The following SEZ6L variants were observed in gnomAD, a reference collection of about 807,000 sequenced individuals.
SEZ6L encodes seizure 6-like protein.
In SEZ6L, 37 loss-of-function variants were observed where a neutral mutation model predicts 106.2. The ratio of observed to expected loss-of-function variants is 0.35; its 90% confidence interval spans 0.27 to 0.46. SEZ6L has a LOEUF of 0.46. Ranked by LOEUF, SEZ6L falls within the 20% of genes least tolerant of loss-of-function variation. The pLI is 1.00. For missense variants in SEZ6L, 1,172 were observed against 1,332.8 expected, an observed-to-expected ratio of 0.88 and a Z score of 1.88; for synonymous variants, 541 against 570.4, an observed-to-expected ratio of 0.95 and a Z score of 0.73.
chr22:26,212,931 G>T lies in SEZ6L; in HGVS notation c.94+43168G>T, dbSNP rs149945678. On this transcript the variant is annotated intron_variant, in intron 1 of 16. Coordinates refer to ENST00000248933, the MANE Select transcript of SEZ6L (RefSeq NM_021115.5). ...GGGTCAGAACTCCCGTGCTTGGGAT[G>T]GGGGTTGGCAAAAATAAAGTAGAAT... Among the ~76,000 whole-genome samples, 5 of 152,300 alleles carry T rather than the reference G, an allele frequency of 3.3e-5. No homozygotes were observed. The East Asian group carries it at 9.6e-4, about 29-fold the overall frequency.
At chr22:26,313,065 T>C (rs1203458774) in intron 8 of SEZ6L, among the ~76,000 whole-genome samples, 1 of 152,260 alleles carries the variant, frequency 6.6e-6, no homozygotes, top group Non-Finnish European at 1.5e-5. Flanking sequence ...TTATTGGTGC[T>C]TTGGCCTCTG....
At chr22:26,235,090 C>T (rs1244606068) in intron 1 of SEZ6L, among the ~76,000 whole-genome samples, 1 of 152,134 alleles carries the variant, frequency 6.6e-6, no homozygotes, top group Non-Finnish European at 1.5e-5. Flanking sequence ...CTCTTCCATC[C>T]CCTACAGTAG....
chr22:26,298,241 A>G (rs1601422625), intron 4 of SEZ6L, among the ~76,000 whole-genome samples: 1 of 152,204 alleles, frequency 6.6e-6, no homozygotes, highest in African/African-American at 2.4e-5. Context: ...CCTCCTCATC[A>G]GTACTGAGAA....
chr22:26,294,753 C>T (rs1019327696), intron 3 of SEZ6L, among the ~76,000 whole-genome samples: 1 of 143,134 alleles, frequency 7.0e-6, no homozygotes, highest in Admixed American at 6.9e-5. Context: ...CACACACACA[C>T]ACACGGAAGC....
chr22:26,204,170 A>T (rs1427623011), intron 1 of SEZ6L, among the ~76,000 whole-genome samples: 1 of 152,220 alleles, frequency 6.6e-6, no homozygotes, highest in East Asian at 1.9e-4. Flanking sequence ...TTCAATACAT[A>T]GTTCTTGAGT....
chr22:26,350,830 G>C (rs1194445159), intron 11 of SEZ6L, among the ~76,000 whole-genome samples: 1 of 151,882 alleles, frequency 6.6e-6, no homozygotes, highest in Non-Finnish European at 1.5e-5. Flanking sequence ...CTAATTTTTT[G>C]TGTTTTTAGT....
chr22:26,175,511 G>A (rs1157408155), intron 1 of SEZ6L, among the ~76,000 whole-genome samples: 4 of 152,104 alleles, frequency 2.6e-5, no homozygotes, highest in Non-Finnish European at 4.4e-5. Flanking sequence ...TGTGCAGATA[G>A]TCTGGATGGG....
chr22:26,310,977 C>T, intron 7 of SEZ6L, 141 bp downstream of exon 7: 2 of 794,726 alleles, frequency 2.5e-6, no homozygotes, highest in East Asian at 2.5e-5. Context: ...TTTCCAAAGA[C>T]AGGCTCTTGG....
chr22:26,172,930 C>T (rs1392128398), intron 1 of SEZ6L, among the ~76,000 whole-genome samples: 1 of 152,198 alleles, frequency 6.6e-6, no homozygotes, highest in Non-Finnish European at 1.5e-5. Flanking sequence ...TGTGGAAAGG[C>T]TGTTCTGGGG....
chr22:26,365,688 C>T, intron 13 of SEZ6L, 122 bp downstream of exon 13: 2 of 788,060 alleles, frequency 2.5e-6, no homozygotes, highest in South Asian at 2.2e-5. Flanking sequence ...GCCGAGGCAA[C>T]ATAGTGAGAC....
intron 1 of SEZ6L, among the ~76,000 whole-genome samples, chr22:26,210,669 T>C (rs2078131516): frequency 6.6e-6 from 1 of 151,184 alleles, no homozygotes; most frequent in South Asian, 2.1e-4. Context: ...TCATCTCCAT[T>C]CTCAGAATGG....
chr22:26,227,611 T>C (rs569759157), intron 1 of SEZ6L, among the ~76,000 whole-genome samples: 1 of 143,222 alleles, frequency 7.0e-6, no homozygotes, highest in South Asian at 2.2e-4. Context: ...TAGAGACTGG[T>C]TCTTGCTATG....
intron 1 of SEZ6L, among the ~76,000 whole-genome samples, chr22:26,209,404 A>G (rs1371608182): frequency 6.6e-6 from 1 of 152,154 alleles, no homozygotes; most frequent in Non-Finnish European, 1.5e-5. Context: ...TCAGTTGGCA[A>G]TTGATTTAGT....
At chr22:26,175,153 G>A (rs1452097166) in intron 1 of SEZ6L, among the ~76,000 whole-genome samples, 1 of 152,174 alleles carries the variant, frequency 6.6e-6, no homozygotes, top group Non-Finnish European at 1.5e-5. Flanking sequence ...TTTGCCAGAT[G>A]CGCATGGGAT....
chr22:26,194,342 G>A (rs1316399002), intron 1 of SEZ6L, among the ~76,000 whole-genome samples: 5 of 152,190 alleles, frequency 3.3e-5, no homozygotes, highest in Non-Finnish European at 7.3e-5. Flanking sequence ...GCAAATGGAA[G>A]ACAATGGTAT....
intron 1 of SEZ6L, among the ~76,000 whole-genome samples, chr22:26,180,467 A>G (rs908977444): frequency 6.6e-6 from 1 of 152,248 alleles, no homozygotes; most frequent in African/African-American, 2.4e-5. Flanking sequence ...GAGTGAATGG[A>G]TGAATCAATG....
In SEZ6L at chr22:26,334,091, A is replaced by G. The variant is rs148502820; in HGVS notation, c.2016-6345A>G. On this transcript the variant is annotated intron_variant, in intron 9 of 16. Coordinates refer to ENST00000248933, the MANE Select transcript of SEZ6L (RefSeq NM_021115.5). ...GGGTTAAAAGTTGGCACTCTATCCT[A>G]AGATGTTTCTTTTTTTTAATTGAGG... Among the ~76,000 whole-genome samples the G allele has an allele frequency of 3.9e-5, 6 of 152,276 alleles. No homozygotes were observed. The East Asian group carries it at 1.2e-3, about 29-fold the overall frequency.
At chr22:26,193,535 CT>C (rs997170317) in intron 1 of SEZ6L, among the ~76,000 whole-genome samples, 1 of 152,112 alleles carries the variant, frequency 6.6e-6, no homozygotes, top group Non-Finnish European at 1.5e-5. Context: ...TTACAATTTG[CT>C]TTTTTTCTTT....
chr22:26,369,354 T>TTTTTTTTTTTTTTTTTTTTTTTTA lies in SEZ6L; in HGVS notation c.2794+3791_2794+3792insTTTTTTTTTTTTTTTTTTTTATTT, dbSNP rs1568952186. ...ATATAAGCAGTTCTTTTGTTTTTTT[T>TTTTTTTTTTTTTTTTTTTTTTTTA]TTTGAGACAGATTCTCGCTCTGTCC... is the stretch of plus-strand genomic sequence containing the variant. On this transcript the variant is annotated intron_variant, in intron 13 of 16. Transcript: ENST00000248933. Among the ~76,000 whole-genome samples, 2 of 118,654 alleles carry TTTTTTTTTTTTTTTTTTTTTTTTA rather than the reference T, an allele frequency of 1.7e-5. 1 individual carries two copies. Among genetic ancestry groups the TTTTTTTTTTTTTTTTTTTTTTTTA allele is most frequent in the African/African-American group, 6.7e-5 (2 of 29,946 alleles). 77.8% of individuals were successfully genotyped at this position (118,654 alleles called of 152,430 possible). A position where few individuals can be genotyped will look rare whatever the true frequency, so the allele number is the denominator to read the frequency against.
Sources: allele counts gnomAD v4.1 joint callset (sites outside exome capture counted in the v4.1 genomes callset), GRCh38; gene constraint gnomAD v4.1.1; transcripts MANE v1.5; gene names NCBI Gene and HGNC (gene_info 2026-07-23, HGNC 2026-07-21).